Variants in CDKL4 observed in about 807,000 individuals in gnomAD.
The protein encoded by CDKL4 is cyclin-dependent kinase-like 4.
In CDKL4, 44 loss-of-function variants were observed where a neutral mutation model predicts 42.0. That is an observed-to-expected ratio of 1.05 (90% CI 0.82 to 1.35). The LOEUF is 1.35. CDKL4 is among the 40% of genes most tolerant of loss of function. The pLI is 0.00. For missense variants in CDKL4, 393 were observed against 369.9 expected (o/e 1.06, Z -0.51); for synonymous variants, 120 against 121.6 (o/e 0.99, Z 0.09).
intron 4 of CDKL4, among the ~76,000 whole-genome samples, chr2:39,205,388 G>A (rs1327316401): frequency 6.6e-6 from 1 of 151,896 alleles, no homozygotes; most frequent in Admixed American, 6.6e-5. Flanking sequence ...ACATTTAAAT[G>A]ATAACAAAAA....
At chr2:39,222,589 CTAAATAAA>C (rs565971477) in intron 3 of CDKL4, among the ~76,000 whole-genome samples, 6 of 151,292 alleles carry the variant, frequency 4.0e-5, no homozygotes, top group Admixed American at 2.0e-4. Flanking sequence ...GACTCTGTCT[CTAAATAAA>C]TAAATAAATA....
chr2:39,214,063 C>A (rs1338505818), intron 3 of CDKL4, among the ~76,000 whole-genome samples: 1 of 152,110 alleles, frequency 6.6e-6, no homozygotes, highest in African/African-American at 2.4e-5. Context: ...GCTAGGATTA[C>A]AGGCACGTGC....
At chr2:39,191,961 G>T (rs918204896) in intron 5 of CDKL4, among the ~76,000 whole-genome samples, 1 of 152,322 alleles carries the variant, frequency 6.6e-6, no homozygotes, top group African/African-American at 2.4e-5. Flanking sequence ...GCCACAAAAG[G>T]CAGCTCAGAA....
intron 9 of CDKL4, among the ~76,000 whole-genome samples, chr2:39,177,293 A>G (rs1404218674): frequency 8.5e-5 from 13 of 152,114 alleles, no homozygotes; most frequent in Admixed American, 8.5e-4. Flanking sequence ...GAGGCAAGGC[A>G]AGGTCTGTGA....
chr2:39,175,668 C>A lies in CDKL4; in HGVS notation c.*327G>T, dbSNP rs920648157. ...TATGTGGTCAGCTGAAGCAAGATGACACATGTAAATCTTTTTCATAAATCA... is the reference window on the plus strand; with the variant it reads ...TATGTGGTCAGCTGAAGCAAGATGAAACATGTAAATCTTTTTCATAAATCA... On this transcript the variant is annotated 3_prime_UTR_variant, in exon 10 of 10. Coordinates refer to ENST00000451199, the Ensembl canonical transcript of CDKL4. The A allele has an allele frequency of 2.3e-5, 4 of 177,358 alleles. No homozygotes were observed. The South Asian group carries it at 4.7e-4, about 21-fold the overall frequency. The allele number at this position is 177,358 out of a possible 1,614,324, so 11.0% of individuals were successfully genotyped here.
chr2:39,238,200 G>T (rs866290922), intron 1 of CDKL4, among the ~76,000 whole-genome samples: 1 of 152,304 alleles, frequency 6.6e-6, no homozygotes, highest in Middle Eastern at 3.4e-3. Flanking sequence ...GGAGGCTGAG[G>T]CAGAAGGATT....
At chr2:39,232,295 G>A (rs1263590967) in intron 1 of CDKL4, among the ~76,000 whole-genome samples, 1 of 152,130 alleles carries the variant, frequency 6.6e-6, no homozygotes, top group African/African-American at 2.4e-5. Context: ...GTCTGAGTAT[G>A]CAAGCAGGAA....
intron 3 of CDKL4, 95 bp from the exon 4 acceptor site, chr2:39,213,567 T>C (rs1677716000): frequency 2.8e-6 from 2 of 707,404 alleles, no homozygotes; most frequent in Non-Finnish European, 4.9e-6. Context: ...GGGACTGTCC[T>C]CTTCAAGGAA....
chr2:39,228,973 G>A (rs761410049), intron 2 of CDKL4, among the ~76,000 whole-genome samples: 1 of 152,202 alleles, frequency 6.6e-6, no homozygotes, highest in East Asian at 1.9e-4. Flanking sequence ...GCATGTCGAT[G>A]CCTACCAGGG....
intron 3 of CDKL4, 40 bp from the exon 4 acceptor site, chr2:39,213,512 A>T (rs369284544): frequency 2.2e-5 from 30 of 1,392,928 alleles, no homozygotes; most frequent in Non-Finnish European, 2.8e-5. Flanking sequence ...AACTCATAGG[A>T]TAGAGTTCCA....
intron 3 of CDKL4, among the ~76,000 whole-genome samples, chr2:39,221,144 G>C (rs932377062): frequency 3.3e-5 from 5 of 151,120 alleles, no homozygotes; most frequent in African/African-American, 1.2e-4. Context: ...CTCCTAAGTA[G>C]CTGGGACTAC....
chr2:39,169,841 C>A, the CDKL4 span, among the ~76,000 whole-genome samples: 2 of 152,094 alleles, frequency 1.3e-5, no homozygotes, highest in African/African-American at 4.8e-5. Context: ...CTCTGTCACC[C>A]AGGCTGGAGT....
At chr2:39,207,856 C>T (rs1031202631) in intron 4 of CDKL4, among the ~76,000 whole-genome samples, 3 of 152,150 alleles carry the variant, frequency 2.0e-5, no homozygotes, top group African/African-American at 7.2e-5. Flanking sequence ...AACCCCAGCA[C>T]TTTGGGAGGC....
At chr2:39,225,754 G>A in intron 3 of CDKL4, 85 bp downstream of exon 3, 1 of 1,347,398 alleles carries the variant, frequency 7.4e-7, no homozygotes, top group Non-Finnish European at 1.0e-6. Flanking sequence ...AATTGTGGCT[G>A]GGATTTGAAA....
chr2:39,204,653 T>A (rs757753293), intron 4 of CDKL4, 36 bp from the exon 5 acceptor site: 2 of 1,166,882 alleles, frequency 1.7e-6, no homozygotes, highest in Non-Finnish European at 2.5e-6. Flanking sequence ...TTCTGAACCA[T>A]CAAAATGACA....
intron 4 of CDKL4, among the ~76,000 whole-genome samples, chr2:39,207,426 T>A (rs1463166668): frequency 2.0e-5 from 3 of 152,190 alleles, no homozygotes; most frequent in Non-Finnish European, 4.4e-5. Flanking sequence ...GAACATAGTT[T>A]TGATATCCTA....
In CDKL4 at chr2:39,181,729, A is replaced by G. The variant is rs73930530; in HGVS notation, c.793-2408T>C. Among the ~76,000 whole-genome samples the G allele has an allele frequency of 8.7e-3, 1,332 of 152,304 alleles. 24 individuals are homozygous for G. The highest frequency in any genetic ancestry group is 0.03 in the African/African-American group (1,243 of 41,574). On this transcript the variant is annotated intron_variant, in intron 8 of 9. Coordinates refer to ENST00000451199, the Ensembl canonical transcript of CDKL4. ...TAGACAGACACACAGAGTGAATGCC[A>G]TGCTATGATGGAGGTAGAAATTGGA...
At chr2:39,218,781 G>A (rs913132151) in intron 3 of CDKL4, among the ~76,000 whole-genome samples, 6 of 152,088 alleles carry the variant, frequency 3.9e-5, no homozygotes, top group African/African-American at 1.4e-4. Flanking sequence ...TGTCCTCTGG[G>A]GCCTTAGGAC....
intron 8 of CDKL4, among the ~76,000 whole-genome samples, chr2:39,181,755 G>A (rs1675450553): frequency 6.6e-6 from 1 of 152,118 alleles, no homozygotes; most frequent in South Asian, 2.1e-4. Flanking sequence ...AGAAATTGGA[G>A]TTACATTGTC....
Sources: gnomAD v4.1 joint callset for allele counts (sites outside exome capture counted in the v4.1 genomes callset) on GRCh38, gnomAD v4.1.1 for gene constraint, MANE v1.5 for transcripts, NCBI Gene and HGNC (gene_info 2026-07-23, HGNC 2026-07-21) for gene names.